The following ARID3A variants were observed in gnomAD, a reference collection of about 807,000 sequenced individuals.
ARID3A encodes the protein AT-rich interactive domain-containing protein 3A.
ARID3A carries 11 observed loss-of-function variants against 52.7 expected under a neutral mutation model. The ratio of observed to expected loss-of-function variants is 0.21; its 90% CI spans 0.13 to 0.35. ARID3A has a LOEUF of 0.35. Among genes scored for constraint, ARID3A ranks in the 10% least tolerant of loss-of-function variants. ARID3A has a pLI of 1.00. For missense variants in ARID3A, 721 were observed against 838.5 expected, an observed-to-expected ratio of 0.86 and a Z score of 1.73; for synonymous variants, 404 against 359.4, an observed-to-expected ratio of 1.12 and a Z score of -1.40.
At chr19:951,868 G>A (rs769059101) in intron 3 of ARID3A, among the ~76,000 whole-genome samples, 2 of 152,194 alleles carry the variant, frequency 1.3e-5, no homozygotes, top group Admixed American at 6.5e-5. Context: ...GGGCACAGTG[G>A]CTCATACCCA....
chr19:933,001 C>T (rs984949974), intron 3 of ARID3A, among the ~76,000 whole-genome samples: 4 of 152,076 alleles, frequency 2.6e-5, no homozygotes, highest in South Asian at 2.1e-4. Flanking sequence ...GCCCCCATAT[C>T]GGAGGTGATG....
intron 8 of ARID3A, among the ~76,000 whole-genome samples, chr19:969,636 AATAC>A (rs2038235194): frequency 6.7e-6 from 1 of 149,836 alleles, no homozygotes; most frequent in Non-Finnish European, 1.5e-5. Flanking sequence ...TGTATCTATA[AATAC>A]ATATATACTT....
intron 3 of ARID3A, among the ~76,000 whole-genome samples, chr19:951,312 T>G (rs1278401381): frequency 1.3e-5 from 2 of 150,650 alleles, no homozygotes; most frequent in Non-Finnish European, 3.0e-5. Flanking sequence ...ATCCCAGCAC[T>G]TTGGGAGGCC....
At position 941,150 on chromosome 19, in the gene ARID3A, C is replaced by A. The variant is rs547284124; in HGVS notation, c.693+8408C>A. Among the ~76,000 whole-genome samples the A allele has an allele frequency of 4.6e-5, 7 of 152,342 alleles. No homozygotes were observed. Among genetic ancestry groups the A allele is most frequent in the African/African-American group, 1.7e-4 (7 of 41,588 alleles). ...CCGCCCCATGCTTTCTAATAACACA[C>A]GCGGCAGCCCGAGGGAGCGGTGCCC... On this transcript the variant is annotated intron_variant, in intron 3 of 8. Transcript: ENST00000263620. The surrounding 1 kb of genome is among the most constrained non-coding windows in gnomAD (Gnocchi z 6.9).
At position 971,789 on chromosome 19, in the gene ARID3A, T is replaced by A. The variant is rs979210112; in HGVS notation, c.1595-89T>A. ...GGGACAGAGTGAGAGAGAAGTTTAT[T>A]CCCCGGAGCACCCCATTGGGTCTCC... On this transcript the variant is annotated intron_variant, in intron 8 of 8. Transcript: ENST00000263620. 5.5e-6 allele frequency: 8 copies of A among 1,453,968 alleles called. No homozygotes were observed. In the Middle Eastern group the frequency reaches 1.1e-3, roughly 193 times the overall value. 90.1% of individuals were successfully genotyped at this position (1,453,968 alleles called of 1,614,324 possible).
At position 942,659 on chromosome 19, in the gene ARID3A, C is replaced by T. The variant is rs1189464276; in HGVS notation, c.693+9917C>T. ...GGGAGTAGGTGGAGGCCGCCCCTCCCACTGCCCCGCAGGCCCTGGTTCTGG... is the reference window on the plus strand; with the variant it reads ...GGGAGTAGGTGGAGGCCGCCCCTCCTACTGCCCCGCAGGCCCTGGTTCTGG... On this transcript the variant is annotated intron_variant, in intron 3 of 8. Coordinates refer to ENST00000263620, the MANE Select transcript of ARID3A (RefSeq NM_005224.3). This position sits in a 1 kb window ranked among gnomAD's most constrained non-coding sequence, Gnocchi z 8.1. Among the ~76,000 whole-genome samples, 1 of 152,152 alleles carries T rather than the reference C, an allele frequency of 6.6e-6. No homozygotes were observed. Among genetic ancestry groups the T allele is most frequent in the Admixed American group, 6.5e-5 (1 of 15,274 alleles).
rs191250731 is a variant in ARID3A at position 935,878 on chromosome 19, C to T, written c.693+3136C>T. ...CGATCGCGGCTCACTGCAAGCTCTA[C>T]CTCCCGGGTTCACGCCATTCTCCTG... On this transcript the variant is annotated intron_variant, in intron 3 of 8. Coordinates refer to ENST00000263620, the MANE Select transcript of ARID3A (RefSeq NM_005224.3). 6.1e-3 allele frequency among the ~76,000 whole-genome samples: 930 copies of T among 152,304 alleles called. 6 individuals are homozygous for T. Among genetic ancestry groups the T allele is most frequent in the African/African-American group, 0.021 (881 of 41,568 alleles).
At chr19:962,560 G>C (rs1423863454) in intron 4 of ARID3A, among the ~76,000 whole-genome samples, 1 of 134,778 alleles carries the variant, frequency 7.4e-6, no homozygotes, top group Non-Finnish European at 1.5e-5. Flanking sequence ...TGTTGCTGAG[G>C]CTGGAGTGCA....
At chr19:939,900 C>T (rs770316694) in intron 3 of ARID3A, among the ~76,000 whole-genome samples, 2 of 152,074 alleles carry the variant, frequency 1.3e-5, no homozygotes, top group South Asian at 2.1e-4. Context: ...ACGTTTTCTT[C>T]GTCGTGCCCC....
At chr19:957,017 T>C (rs1271622092) in intron 3 of ARID3A, among the ~76,000 whole-genome samples, 1 of 152,194 alleles carries the variant, frequency 6.6e-6, no homozygotes, top group Non-Finnish European at 1.5e-5. Flanking sequence ...CTGGTATTTG[T>C]CGCAGCTCCT....
chr19:974,489 C>T lies in ARID3A; in HGVS notation c.*2424C>T. ...CCGGGACCCCCGTCCCACGCCTGGGCCCCGCGCCGGGGGAAGCGCCTGCTG... is the reference window on the plus strand; with the variant it reads ...CCGGGACCCCCGTCCCACGCCTGGGTCCCGCGCCGGGGGAAGCGCCTGCTG... On this transcript the variant is annotated 3_prime_UTR_variant, in exon 9 of 9. Coordinates refer to ENST00000263620, the MANE Select transcript of ARID3A (RefSeq NM_005224.3). 4.3e-6 allele frequency: 1 copy of T among 230,782 alleles called. No homozygotes were observed. Among genetic ancestry groups the T allele is most frequent in the Non-Finnish European group, 8.6e-6 (1 of 116,466 alleles). 14.3% of individuals were successfully genotyped at this position (230,782 alleles called of 1,614,324 possible).
At chr19:935,558 G>C (rs1386421470) in intron 3 of ARID3A, among the ~76,000 whole-genome samples, 1 of 152,130 alleles carries the variant, frequency 6.6e-6, no homozygotes, top group Non-Finnish European at 1.5e-5. Context: ...ACTCACTGCA[G>C]CCTCGATCTC....
rs183896009 is a variant in ARID3A, at chr19:970,371, G to C, written c.1595-1507G>C. Among the ~76,000 whole-genome samples, 537 of 152,214 alleles carry C rather than the reference G, an allele frequency of 3.5e-3. 4 individuals carry two copies. The highest frequency in any genetic ancestry group is 0.012 in the African/African-American group (512 of 41,548). On this transcript the variant is annotated intron_variant, in intron 8 of 8. Coordinates refer to ENST00000263620, the MANE Select transcript of ARID3A (RefSeq NM_005224.3). ...ATTAAAAAAGTGGAGTCAGTGCCAG[G>C]GGCAGTGGCCCACGCCTGTAATCCC...
intron 7 of ARID3A, 99 bp downstream of exon 7, chr19:966,967 G>GGAA: frequency 8.5e-7 from 1 of 1,171,374 alleles, no homozygotes; most frequent in African/African-American, 3.6e-5. Context: ...AAATCAATAA[G>GGAA]AAAAAAAAAG....
chr19:948,812 T>A (rs1450156390), intron 3 of ARID3A, among the ~76,000 whole-genome samples: 1 of 148,456 alleles, frequency 6.7e-6, no homozygotes, highest in Non-Finnish European at 1.5e-5. Context: ...CGGATTCAAG[T>A]GATTCTCCTG....
chr19:952,441 CAAAAAAAAAAA>C (rs10663796), intron 3 of ARID3A, among the ~76,000 whole-genome samples: 12 of 59,768 alleles, frequency 2.0e-4, no homozygotes, highest in Non-Finnish European at 2.8e-4. Context: ...GACCCTGTCT[CAAAAAAAAAAA>C]AAAAAAAAAA....
chr19:964,228 C>T lies in ARID3A; in HGVS notation c.767-20C>T. ...CAGTGCCCAGGTGGCCCCCAACCTC[C>T]CTCTCGCCCCTTCCCCCAGGGACAC... On this transcript the variant is annotated intron_variant, in intron 4 of 8. Transcript: ENST00000263620. The surrounding 1 kb of genome is among the most constrained non-coding windows in gnomAD (Gnocchi z 5.7). 2 of 1,597,866 alleles carry T rather than the reference C, an allele frequency of 1.3e-6. No individual in the cohort carries two copies. Among genetic ancestry groups the T allele is most frequent in the Non-Finnish European group, 1.7e-6 (2 of 1,168,816 alleles).
Position 941,723 on chromosome 19 carries a change from A to AT in ARID3A, c.693+8983dup, listed in dbSNP as rs1426201842. The stretch of plus-strand genomic sequence containing the variant: ...CGCCTCGGTCTCTGAAAGTGCTGGG[A>AT]TTACAGGCGTGAGCTGCTGTGCCGG... On this transcript the variant is annotated intron_variant, in intron 3 of 8. Coordinates refer to ENST00000263620, the MANE Select transcript of ARID3A (RefSeq NM_005224.3). The surrounding 1 kb of genome is among the most constrained non-coding windows in gnomAD (Gnocchi z 6.9). Among the ~76,000 whole-genome samples the AT allele has an allele frequency of 3.3e-5, 5 of 151,648 alleles. No individual in the cohort carries two copies. The highest frequency in any genetic ancestry group is 1.2e-4 in the African/African-American group (5 of 41,218).
In ARID3A at chr19:966,872, C is replaced by A; in HGVS notation, c.1495+4C>A. ...AGCATTCGGATCAACAGCCAAGGTACTGCCCTCGTGCCCAGACCCGCTGTG... is the reference window on the plus strand; with the variant it reads ...AGCATTCGGATCAACAGCCAAGGTAATGCCCTCGTGCCCAGACCCGCTGTG... On this transcript the variant is annotated splice_donor_region_variant and intron_variant, in intron 7 of 8. Coordinates refer to ENST00000263620, the MANE Select transcript of ARID3A (RefSeq NM_005224.3). The A allele has an allele frequency of 2.5e-6, 4 of 1,600,902 alleles. No homozygotes were observed. The highest frequency in any genetic ancestry group is 3.4e-6 in the Non-Finnish European group (4 of 1,170,880).
Sources: gnomAD v4.1 joint callset for allele counts (sites outside exome capture counted in the v4.1 genomes callset) on GRCh38, gnomAD v4.1.1 for gene constraint, Gnocchi (gnomAD v3.1) non-coding constraint, MANE v1.5 for transcripts, NCBI Gene and HGNC (gene_info 2026-07-23, HGNC 2026-07-21) for gene names.